MED13L: variants seen among roughly 807,000 people sequenced by gnomAD.
MED13L encodes mediator complex subunit 13L.
A neutral mutation model predicts 220.9 loss-of-function variants in MED13L; 7 were observed. The observed-to-expected ratio is 0.03, with a 90% CI of 0.02 to 0.06. MED13L has a LOEUF of 0.06. Ranked by LOEUF, MED13L falls within the 10% of genes least tolerant of loss-of-function variation. The pLI is 1.00. For synonymous variants in MED13L, 1,011 were observed against 1,015.2 expected (o/e 1.00, Z 0.08); for missense variants, 1,965 against 2,760.5 (o/e 0.71, Z 6.46).
chr12:116,186,041 T>C (rs1259411120), intron 2 of MED13L, among the ~76,000 whole-genome samples: 1 of 152,198 alleles, frequency 6.6e-6, no homozygotes, highest in Non-Finnish European at 1.5e-5. Flanking sequence ...TATTCCCTTC[T>C]CCTGAAACAA....
At chr12:116,096,953 G>A (rs969361022) in intron 3 of MED13L, among the ~76,000 whole-genome samples, 2 of 152,042 alleles carry the variant, frequency 1.3e-5, no homozygotes, top group Non-Finnish European at 1.5e-5. Context: ...TTATGCCCAC[G>A]TAAAAAAGAA....
intron 2 of MED13L, among the ~76,000 whole-genome samples, chr12:116,213,892 T>C (rs74417882): frequency 0.019 from 2,942 of 152,344 alleles, 59 homozygotes; most frequent in Middle Eastern, 0.054. Flanking sequence ...AAATGCTTTC[T>C]GAAATCTTTG....
chr12:116,271,122 G>A (rs1394674917), intron 1 of MED13L, among the ~76,000 whole-genome samples: 1 of 150,716 alleles, frequency 6.6e-6, no homozygotes, highest in Non-Finnish European at 1.5e-5. Flanking sequence ...CAAGAGGGGG[G>A]AAAATGTCCT....
At chr12:116,257,196 T>G (rs1031510722) in intron 1 of MED13L, among the ~76,000 whole-genome samples, 13 of 152,242 alleles carry the variant, frequency 8.5e-5, no homozygotes, top group Non-Finnish European at 1.8e-4. Context: ...TTAGTGATAT[T>G]AAGATGGTTT....
intron 1 of MED13L, among the ~76,000 whole-genome samples, chr12:116,272,640 C>A (rs1873474307): frequency 6.6e-6 from 1 of 152,020 alleles, no homozygotes; most frequent in African/African-American, 2.4e-5. Flanking sequence ...CTAAACACAC[C>A]CCCTTGCCCA....
At chr12:116,273,786 A>T (rs967942603) in intron 1 of MED13L, among the ~76,000 whole-genome samples, 1 of 152,266 alleles carries the variant, frequency 6.6e-6, no homozygotes, top group Non-Finnish European at 1.5e-5. Flanking sequence ...ATCAAAGAGC[A>T]CATATTTAAA....
At chr12:116,275,071 C>T (rs150622591) in intron 1 of MED13L, among the ~76,000 whole-genome samples, 5 of 151,734 alleles carry the variant, frequency 3.3e-5, no homozygotes, top group African/African-American at 1.2e-4. Context: ...CTACAGAATC[C>T]GTATATACAC....
chr12:116,252,783 C>G (rs1008103343), intron 1 of MED13L, among the ~76,000 whole-genome samples: 2 of 151,876 alleles, frequency 1.3e-5, no homozygotes, highest in African/African-American at 4.8e-5. Context: ...AGGGAAAGAA[C>G]AGACACACTA....
At chr12:116,125,098 CAGAAA>C (rs1359061415) in intron 2 of MED13L, among the ~76,000 whole-genome samples, 3 of 152,158 alleles carry the variant, frequency 2.0e-5, no homozygotes, top group Middle Eastern at 3.4e-3. Context: ...TTTGTTAAGA[CAGAAA>C]AGAAAACTAA....
chr12:115,961,550 T>C (rs1875755308), intron 30 of MED13L, 152 bp from the exon 31 acceptor site: 1 of 1,064,556 alleles, frequency 9.4e-7, no homozygotes, highest in Admixed American at 2.0e-5. Flanking sequence ...TTGTCTCATG[T>C]TCCTCCTTCC....
intron 2 of MED13L, among the ~76,000 whole-genome samples, chr12:116,182,027 GA>G (rs1429909595): frequency 6.6e-6 from 1 of 152,108 alleles, no homozygotes; most frequent in East Asian, 1.9e-4. Context: ...TGTGGAACTG[GA>G]AAACTCCACA....
rs181042927 is a variant in MED13L at position 116,102,596 on chromosome 12, C to T, written c.396-5844G>A. Reference sequence around the variant, plus strand: ...ATATATATGCAAAGAAGTCTCCTTCCTAGAAATTACAATGCTCCCAATCCC... The same window carrying T: ...ATATATATGCAAAGAAGTCTCCTTCTTAGAAATTACAATGCTCCCAATCCC... On this transcript the variant is annotated intron_variant, in intron 3 of 30. Transcript: ENST00000281928. Among the ~76,000 whole-genome samples, 8 of 151,842 alleles carry T rather than the reference C, an allele frequency of 5.3e-5. No individual in the cohort carries two copies. In the East Asian group the frequency reaches 1.5e-3, roughly 29 times the overall value.
At chr12:116,072,956 T>G (rs779410591) in intron 4 of MED13L, among the ~76,000 whole-genome samples, 1 of 152,222 alleles carries the variant, frequency 6.6e-6, no homozygotes, top group Non-Finnish European at 1.5e-5. Flanking sequence ...ACTCGGATAC[T>G]AGGAATTTGA....
chr12:116,024,902 C>T (rs548721415), intron 4 of MED13L, among the ~76,000 whole-genome samples: 1 of 151,464 alleles, frequency 6.6e-6, no homozygotes, highest in African/African-American at 2.4e-5. Flanking sequence ...CTAGTATGTG[C>T]TCTTGGCACC....
At chr12:116,121,386 A>G (rs1428350150) in intron 2 of MED13L, among the ~76,000 whole-genome samples, 1 of 152,218 alleles carries the variant, frequency 6.6e-6, no homozygotes, top group Non-Finnish European at 1.5e-5. Flanking sequence ...CAGGGAGAAA[A>G]AAAGTCAATA....
chr12:116,220,014 C>A (rs1883217787), intron 2 of MED13L, among the ~76,000 whole-genome samples: 1 of 151,956 alleles, frequency 6.6e-6, no homozygotes, highest in Non-Finnish European at 1.5e-5. Context: ...CCAGGCTGGT[C>A]TTGAACTCCT....
chr12:115,988,225 A>G (rs539820315), intron 17 of MED13L, among the ~76,000 whole-genome samples: 3 of 152,336 alleles, frequency 2.0e-5, no homozygotes, highest in East Asian at 3.9e-4. Context: ...GACATTTTCA[A>G]ACGTGTCCCT....
At chr12:116,160,233 C>T (rs543382213) in intron 2 of MED13L, among the ~76,000 whole-genome samples, 2 of 152,208 alleles carry the variant, frequency 1.3e-5, no homozygotes, top group South Asian at 2.1e-4. Context: ...TCCCAAATAA[C>T]GTTCAATTAA....
intron 1 of MED13L, among the ~76,000 whole-genome samples, chr12:116,267,252 T>C (rs576050960): frequency 3.3e-5 from 5 of 152,160 alleles, no homozygotes; most frequent in Non-Finnish European, 7.4e-5. Flanking sequence ...TCATATATGG[T>C]TGTAACGAAA....
Sources: gnomAD v4.1 joint callset for allele counts (sites outside exome capture counted in the v4.1 genomes callset) on GRCh38, gnomAD v4.1.1 for gene constraint, MANE v1.5 for transcripts, NCBI Gene and HGNC (gene_info 2026-07-23, HGNC 2026-07-21) for gene names.